Variants in CTNND2 observed in about 807,000 individuals in gnomAD.
CTNND2 encodes the protein catenin delta 2.
CTNND2 carries 22 observed loss-of-function variants against 144.4 expected under a neutral mutation model. The ratio of observed to expected loss-of-function variants is 0.15; its 90% CI spans 0.11 to 0.22. The LOEUF (loss-of-function observed/expected upper bound fraction) is 0.22. Among genes scored for constraint, CTNND2 ranks in the 10% least tolerant of loss-of-function variants. CTNND2 has a pLI of 1.00. For synonymous variants in CTNND2, 751 were observed against 695.6 expected (o/e 1.08, Z -1.25); for missense variants, 1,353 against 1,618.8 (o/e 0.84, Z 2.82).
chr5:11,201,969 G>A lies in CTNND2; in HGVS notation c.1762-2308C>T, dbSNP rs138962168. 2.0e-5 allele frequency among the ~76,000 whole-genome samples: 3 copies of A among 152,218 alleles called. No homozygotes were observed. In the East Asian group the frequency reaches 5.8e-4, roughly 29 times the overall value. The stretch of plus-strand genomic sequence containing the variant: ...TAGTGCTTGAGAAGGGATATTCCAC[G>A]TGTACAAAAAAGGTTAAACTATGAG... On this transcript the variant is annotated intron_variant, in intron 10 of 21. Coordinates refer to ENST00000304623, the MANE Select transcript of CTNND2 (RefSeq NM_001332.4).
chr5:11,698,657 T>C (rs1785253680), intron 2 of CTNND2, among the ~76,000 whole-genome samples: 1 of 152,120 alleles, frequency 6.6e-6, no homozygotes, highest in African/African-American at 2.4e-5. Flanking sequence ...TTTCTCTCCA[T>C]GAAGTGCTGG....
chr5:11,043,628 G>A (rs1056070544), intron 16 of CTNND2, among the ~76,000 whole-genome samples: 5 of 152,092 alleles, frequency 3.3e-5, no homozygotes, highest in African/African-American at 1.2e-4. Flanking sequence ...ATGGACCAAA[G>A]TTTATTTTAA....
intron 1 of CTNND2, 113 bp from the exon 2 acceptor site, chr5:11,732,385 G>T: frequency 1.0e-6 from 1 of 962,528 alleles, no homozygotes; most frequent in Non-Finnish European, 1.5e-6. Flanking sequence ...ATAAGCTGCT[G>T]AGAAAGACCA....
intron 1 of CTNND2, among the ~76,000 whole-genome samples, chr5:11,876,981 A>T (rs1251426484): frequency 1.3e-5 from 2 of 152,144 alleles, no homozygotes; most frequent in Non-Finnish European, 2.9e-5. Context: ...CATAGTTTTA[A>T]GCTTTTCTTC....
At chr5:11,754,569 C>A (rs2126792149) in intron 1 of CTNND2, among the ~76,000 whole-genome samples, 1 of 151,698 alleles carries the variant, frequency 6.6e-6, no homozygotes, top group East Asian at 1.9e-4. Flanking sequence ...ACATCTTCCT[C>A]TATTATTGTG....
chr5:11,832,424 A>G (rs1319553941), intron 1 of CTNND2, among the ~76,000 whole-genome samples: 1 of 152,222 alleles, frequency 6.6e-6, no homozygotes, highest in East Asian at 1.9e-4. Context: ...GGAGCTAGGA[A>G]AAAAACAAAA....
intron 3 of CTNND2, among the ~76,000 whole-genome samples, chr5:11,530,742 C>T (rs1773679009): frequency 1.3e-5 from 2 of 152,332 alleles, no homozygotes; most frequent in East Asian, 1.9e-4. Flanking sequence ...CCACTCATTT[C>T]GTCTACAACT....
intron 3 of CTNND2, among the ~76,000 whole-genome samples, chr5:11,430,020 G>A (rs749174074): frequency 6.6e-6 from 1 of 152,060 alleles, no homozygotes; most frequent in Non-Finnish European, 1.5e-5. Context: ...GGGAGGCCGA[G>A]GTGGGTGGAT....
intron 16 of CTNND2, among the ~76,000 whole-genome samples, chr5:11,054,647 TG>T (rs1168247763): frequency 6.6e-6 from 1 of 152,128 alleles, no homozygotes. Flanking sequence ...TGCCCTTTGC[TG>T]GGCACTGCTG....
chr5:11,130,115 C>T (rs1364081954), intron 12 of CTNND2, among the ~76,000 whole-genome samples: 1 of 152,068 alleles, frequency 6.6e-6, no homozygotes, highest in African/African-American at 2.4e-5. Context: ...CTTTATAAAT[C>T]AGGACAATGA....
In CTNND2 at chr5:11,257,810, C is replaced by T. The variant is rs549948036; in HGVS notation, c.1629-20987G>A. On this transcript the variant is annotated intron_variant, in intron 9 of 21. Transcript: ENST00000304623. ...TGTCCCATGAACCTTGCCAGGCAAA[C>T]GAATGACTATTTTCTGCTGGCTCCT... Among the ~76,000 whole-genome samples, 49 of 152,266 alleles carry T rather than the reference C, an allele frequency of 3.2e-4. No individual in the cohort carries two copies. The East Asian group carries it at 4.6e-3, about 14-fold the overall frequency.
chr5:11,373,776 T>C (rs186356949), intron 7 of CTNND2, among the ~76,000 whole-genome samples: 1 of 152,178 alleles, frequency 6.6e-6, no homozygotes, highest in Non-Finnish European at 1.5e-5. Context: ...AGGCTGAAGC[T>C]TCAGAATATC....
At chr5:11,182,133 G>GGT (rs1306584947) in intron 11 of CTNND2, among the ~76,000 whole-genome samples, 5 of 137,484 alleles carry the variant, frequency 3.6e-5, no homozygotes, top group East Asian at 2.3e-4. Flanking sequence ...GTGTGGATGG[G>GGT]GTGTGTGTGT....
chr5:11,819,450 C>T (rs1464559535), intron 1 of CTNND2, among the ~76,000 whole-genome samples: 3 of 152,084 alleles, frequency 2.0e-5, no homozygotes, highest in African/African-American at 7.2e-5. Context: ...GACAGACAGA[C>T]AGACAGACAG....
chr5:11,864,632 T>C (rs1318319401), intron 1 of CTNND2, among the ~76,000 whole-genome samples: 1 of 152,120 alleles, frequency 6.6e-6, no homozygotes, highest in Non-Finnish European at 1.5e-5. Flanking sequence ...ACTGCTAACA[T>C]CACAGGACAG....
At chr5:11,784,989 AAT>A (rs1412515748) in intron 1 of CTNND2, among the ~76,000 whole-genome samples, 7 of 152,344 alleles carry the variant, frequency 4.6e-5, no homozygotes, top group Non-Finnish European at 7.3e-5. Context: ...ACAAATAATT[AAT>A]ATGAGGATAA....
intron 1 of CTNND2, among the ~76,000 whole-genome samples, chr5:11,855,269 T>A (rs914590033): frequency 6.6e-6 from 1 of 152,206 alleles, no homozygotes; most frequent in Non-Finnish European, 1.5e-5. Flanking sequence ...TGTGGGCTCC[T>A]GAGCCAGACT....
At position 11,896,934 on chromosome 5, in the gene CTNND2, A is replaced by T. The variant is rs73743315; in HGVS notation, c.37+6883T>A. 3.9e-3 allele frequency among the ~76,000 whole-genome samples: 592 copies of T among 152,266 alleles called. 2 individuals carry two copies. Among genetic ancestry groups the T allele is most frequent in the African/African-American group, 0.013 (546 of 41,556 alleles). Reference sequence around the variant, plus strand: ...TATGAATTTAACATTACTCTTTTTCAACCTGAGTTAAGCAACACAAATAAT... The same window carrying T: ...TATGAATTTAACATTACTCTTTTTCTACCTGAGTTAAGCAACACAAATAAT... On this transcript the variant is annotated intron_variant, in intron 1 of 21. Coordinates refer to ENST00000304623, the MANE Select transcript of CTNND2 (RefSeq NM_001332.4).
At chr5:11,892,327 G>A (rs541729490) in intron 1 of CTNND2, among the ~76,000 whole-genome samples, 2 of 152,262 alleles carry the variant, frequency 1.3e-5, no homozygotes, top group Non-Finnish European at 2.9e-5. Context: ...TCTAATCAAT[G>A]TACGAACAGT....
Sources: gnomAD v4.1 joint callset for allele counts (sites outside exome capture counted in the v4.1 genomes callset) on GRCh38, gnomAD v4.1.1 for gene constraint, MANE v1.5 for transcripts, NCBI Gene and HGNC (gene_info 2026-07-23, HGNC 2026-07-21) for gene names.